Variants in ARHGAP21 observed in about 807,000 individuals in gnomAD.
The protein encoded by ARHGAP21 is rho GTPase-activating protein 21.
In ARHGAP21, 38 loss-of-function variants were observed where a neutral mutation model predicts 164.6. The ratio of observed to expected loss-of-function variants is 0.23; its 90% CI spans 0.18 to 0.30. The LOEUF (loss-of-function observed/expected upper bound fraction) is 0.30, where lower values mean the gene tolerates loss of function less well. ARHGAP21 is among the 10% of genes least tolerant of loss of function. ARHGAP21 has a pLI of 1.00. For missense variants in ARHGAP21, 1,822 were observed against 2,370.7 expected (o/e 0.77, Z 4.81); for synonymous variants, 766 against 857.9 (o/e 0.89, Z 1.87).
chr10:24,598,565 A>G (rs1489953041), intron 14 of ARHGAP21, among the ~76,000 whole-genome samples: 2 of 152,146 alleles, frequency 1.3e-5, no homozygotes, highest in Non-Finnish European at 2.9e-5. Context: ...TTTTTTTTTA[A>G]CCTCTGTGAG....
Position 24,670,200 on chromosome 10 carries a change from G to T in ARHGAP21, c.243+18C>A. ...CCTTGTGGTTTTTTTTTCAAGTTGC[G>T]GTAACTATTTCTCTTACCTTATATG... On this transcript the variant is annotated intron_variant, in intron 3 of 25. Transcript: ENST00000396432. The T allele has an allele frequency of 2.0e-6, 3 of 1,515,086 alleles. No individual in the cohort carries two copies. Among genetic ancestry groups the T allele is most frequent in the Admixed American group, 3.8e-5 (2 of 52,138 alleles). 93.9% of individuals were successfully genotyped at this position (1,515,086 alleles called of 1,614,324 possible). A position where few individuals can be genotyped will look rare whatever the true frequency, so the allele number is the denominator to read the frequency against.
chr10:24,656,255 G>A (rs1260792185), intron 4 of ARHGAP21, among the ~76,000 whole-genome samples: 1 of 128,394 alleles, frequency 7.8e-6, no homozygotes, highest in East Asian at 2.6e-4. Context: ...CCGTCCGGGA[G>A]GTGAGAGGCA....
At chr10:24,691,140 C>A (rs1565171692) in intron 2 of ARHGAP21, among the ~76,000 whole-genome samples, 1 of 152,062 alleles carries the variant, frequency 6.6e-6, no homozygotes, top group Non-Finnish European at 1.5e-5. Flanking sequence ...GTAGCAGACC[C>A]CTTAGAGACA....
intron 21 of ARHGAP21, among the ~76,000 whole-genome samples, chr10:24,592,869 A>G (rs943004377): frequency 1.3e-5 from 2 of 152,234 alleles, no homozygotes; most frequent in African/African-American, 4.8e-5. Context: ...GTAAACACCC[A>G]GTGTCTGGAA....
chr10:24,682,081 A>T (rs1593271812), intron 2 of ARHGAP21, among the ~76,000 whole-genome samples: 1 of 152,156 alleles, frequency 6.6e-6, no homozygotes, highest in African/African-American at 2.4e-5. Context: ...TTAAAACAGT[A>T]CCAGCCACAT....
chr10:24,660,410 A>AAAAAAAAAT, intron 4 of ARHGAP21, among the ~76,000 whole-genome samples: 1 of 149,998 alleles, frequency 6.7e-6, no homozygotes, highest in South Asian at 2.1e-4. Context: ...AAAAAAAAAA[A>AAAAAAAAAT]GATGCTGAAG....
intron 3 of ARHGAP21, among the ~76,000 whole-genome samples, chr10:24,667,698 G>A (rs1027015431): frequency 2.6e-5 from 4 of 151,654 alleles, no homozygotes; most frequent in African/African-American, 7.3e-5. Flanking sequence ...ACAGACGTTC[G>A]GTGAAGGGCT....
intron 2 of ARHGAP21, among the ~76,000 whole-genome samples, chr10:24,671,884 ATTTTTTTT>A (rs35692163): frequency 4.6e-4 from 38 of 82,540 alleles, no homozygotes; most frequent in Middle Eastern, 7.4e-3. Context: ...CATCAAGCTA[ATTTTTTTT>A]TTTTTTTTTT....
At chr10:24,719,135 A>G (rs1845688222) in intron 2 of ARHGAP21, among the ~76,000 whole-genome samples, 1 of 150,392 alleles carries the variant, frequency 6.6e-6, no homozygotes, top group Non-Finnish European at 1.5e-5. Flanking sequence ...ACACACCCCA[A>G]AAATCACTTA....
chr10:24,609,010 A>C (rs1478890537), intron 9 of ARHGAP21, among the ~76,000 whole-genome samples: 1 of 152,214 alleles, frequency 6.6e-6, no homozygotes, highest in African/African-American at 2.4e-5. Context: ...GCACATGTTT[A>C]ACAAAGTTTC....
chr10:24,715,598 G>C (rs1262203074), intron 2 of ARHGAP21, among the ~76,000 whole-genome samples: 1 of 151,994 alleles, frequency 6.6e-6, no homozygotes, highest in Non-Finnish European at 1.5e-5. Context: ...AAGGTGCAAA[G>C]AAAAAAGGCA....
chr10:24,617,988 C>T (rs1379644732), intron 9 of ARHGAP21, among the ~76,000 whole-genome samples: 1 of 152,152 alleles, frequency 6.6e-6, no homozygotes, highest in African/African-American at 2.4e-5. Context: ...AAATGGCGTG[C>T]TCCCTGGAGC....
intron 2 of ARHGAP21, among the ~76,000 whole-genome samples, chr10:24,675,329 G>C (rs1841108796): frequency 6.6e-6 from 1 of 152,136 alleles, no homozygotes; most frequent in Admixed American, 6.6e-5. Context: ...GGAGGAGAAG[G>C]AGTACATACT....
intron 12 of ARHGAP21, among the ~76,000 whole-genome samples, chr10:24,602,465 TGAA>T (rs1381724974): frequency 6.6e-6 from 1 of 152,134 alleles, no homozygotes; most frequent in Non-Finnish European, 1.5e-5. Context: ...AGGGCTACTC[TGAA>T]GAAATAATAT....
chr10:24,697,061 T>G (rs978364113), intron 2 of ARHGAP21, among the ~76,000 whole-genome samples: 1 of 152,222 alleles, frequency 6.6e-6, no homozygotes, highest in East Asian at 1.9e-4. Flanking sequence ...AAAATCAAGA[T>G]AGCATCCAGA....
intron 4 of ARHGAP21, among the ~76,000 whole-genome samples, chr10:24,637,061 C>A (rs1455606491): frequency 6.6e-6 from 1 of 152,014 alleles, no homozygotes; most frequent in Non-Finnish European, 1.5e-5. Flanking sequence ...GCATTATGAT[C>A]CTAAAATTGC....
At chr10:24,723,525 CCT>C (rs925616826) in intron 1 of ARHGAP21, 35 bp downstream of exon 1, 1 of 147,378 alleles carries the variant, frequency 6.8e-6, no homozygotes, top group Non-Finnish European at 1.5e-5. Flanking sequence ...AGCGCAGCGC[CCT>C]CTCGGCTGAG....
intron 2 of ARHGAP21, among the ~76,000 whole-genome samples, chr10:24,711,027 G>C (rs1185448046): frequency 2.1e-5 from 3 of 144,170 alleles, no homozygotes; most frequent in African/African-American, 7.7e-5. Context: ...CTGAGAGGCA[G>C]AGGTTGCAGT....
At chr10:24,680,370 C>G (rs1004433736) in intron 2 of ARHGAP21, among the ~76,000 whole-genome samples, 1 of 152,150 alleles carries the variant, frequency 6.6e-6, no homozygotes, top group Admixed American at 6.5e-5. Flanking sequence ...ATTATTATGA[C>G]TTGGCCTCAC....
Sources: allele counts gnomAD v4.1 joint callset (sites outside exome capture counted in the v4.1 genomes callset), GRCh38; gene constraint gnomAD v4.1.1; transcripts MANE v1.5; gene names NCBI Gene and HGNC (gene_info 2026-07-23, HGNC 2026-07-21).